The following MAPK10 variants were observed in gnomAD, a reference collection of about 807,000 sequenced individuals.
The protein encoded by MAPK10 is mitogen-activated protein kinase 10.
In MAPK10, 25 loss-of-function variants were observed where a neutral mutation model predicts 59.3. That is an observed-to-expected ratio of 0.42 (90% confidence interval 0.31 to 0.59). The LOEUF is 0.59. Ranked by LOEUF, MAPK10 falls within the 20% of genes least tolerant of loss-of-function variation. MAPK10 has a pLI of 0.15. For missense variants in MAPK10, 351 were observed against 568.9 expected (o/e 0.62, Z 3.90); for synonymous variants, 190 against 200.5 (o/e 0.95, Z 0.44).
chr4:86,308,177 C>A (rs2095604380), intron 2 of MAPK10, among the ~76,000 whole-genome samples: 1 of 152,052 alleles, frequency 6.6e-6, no homozygotes, highest in African/African-American at 2.4e-5. Context: ...CATTAAATTT[C>A]AGAATAGAGG....
chr4:86,311,100 G>A (rs1564246112), intron 2 of MAPK10, among the ~76,000 whole-genome samples: 1 of 149,774 alleles, frequency 6.7e-6, no homozygotes, highest in Non-Finnish European at 1.5e-5. Flanking sequence ...AACCATGTGG[G>A]CTGTGCATAT....
intron 4 of MAPK10, among the ~76,000 whole-genome samples, chr4:86,111,668 G>T (rs1458366382): frequency 3.3e-5 from 5 of 152,220 alleles, no homozygotes; most frequent in African/African-American, 9.6e-5. Flanking sequence ...TGCTAATCAG[G>T]GATATTGGCC....
intron 1 of MAPK10, among the ~76,000 whole-genome samples, chr4:86,524,958 C>T (rs1235977973): frequency 6.6e-6 from 1 of 151,360 alleles, no homozygotes; most frequent in African/African-American, 2.4e-5. Flanking sequence ...TTTATAGTCT[C>T]TATTCTTCAG....
At chr4:86,206,108 A>G (rs1191617649) in intron 2 of MAPK10, among the ~76,000 whole-genome samples, 1 of 151,862 alleles carries the variant, frequency 6.6e-6, no homozygotes, top group East Asian at 1.9e-4. Context: ...GGTTAGTTAC[A>G]TATGTATACA....
chr4:86,187,822 G>A (rs1015664033), intron 3 of MAPK10, among the ~76,000 whole-genome samples: 3 of 152,044 alleles, frequency 2.0e-5, no homozygotes, highest in Non-Finnish European at 4.4e-5. Context: ...AGAACATGAA[G>A]GTTTGTTACA....
intron 2 of MAPK10, among the ~76,000 whole-genome samples, chr4:86,256,847 T>C (rs2093752328): frequency 6.6e-6 from 1 of 150,592 alleles, no homozygotes; most frequent in Admixed American, 6.6e-5. Context: ...TTCACGCCAT[T>C]CTCCTGCTTC....
At chr4:86,391,094 C>T (rs950363408) in intron 1 of MAPK10, among the ~76,000 whole-genome samples, 16 of 152,180 alleles carry the variant, frequency 1.1e-4, no homozygotes, top group Admixed American at 7.9e-4. Context: ...ATGAAAGCTA[C>T]ACAAAAATCA....
chr4:86,552,502 AAAGGAAGGAAGGAAGGAAGGAAGG>A (rs771664348), intron 1 of MAPK10, among the ~76,000 whole-genome samples: 5 of 32,962 alleles, frequency 1.5e-4, no homozygotes, highest in African/African-American at 2.9e-4. Flanking sequence ...GGAGGGAAGG[AAAGGAAGGAAGGAAGGAAGGAAGG>A]AAGGAAGGAA....
intron 2 of MAPK10, among the ~76,000 whole-genome samples, chr4:86,245,598 C>T (rs148433606): frequency 2.2e-4 from 34 of 152,232 alleles, no homozygotes; most frequent in Non-Finnish European, 3.7e-4. Context: ...CCCCACAAAG[C>T]GGTGGGATTT....
intron 1 of MAPK10, among the ~76,000 whole-genome samples, chr4:86,371,462 T>G (rs1210229574): frequency 6.6e-6 from 1 of 152,164 alleles, no homozygotes; most frequent in Non-Finnish European, 1.5e-5. Context: ...TAGAGAGAGT[T>G]TAAGTCATTT....
chr4:86,147,832 C>T lies in MAPK10; in HGVS notation c.236+11466G>A, dbSNP rs958750985. On this transcript the variant is annotated intron_variant, in intron 4 of 13. Transcript: ENST00000641462. ...AGGCATAATTTAAGAGAAAGTTAGA[C>T]TTATTCTAATAATTGAATTGATGTT... 2.0e-5 allele frequency among the ~76,000 whole-genome samples: 3 copies of T among 152,170 alleles called. No individual in the cohort carries two copies. In the South Asian group the frequency reaches 6.2e-4, roughly 32 times the overall value.
chr4:86,509,398 C>T (rs1428306939), intron 1 of MAPK10, among the ~76,000 whole-genome samples: 1 of 150,590 alleles, frequency 6.6e-6, no homozygotes, highest in Non-Finnish European at 1.5e-5. Flanking sequence ...CGCAATAATA[C>T]AAGGTATCTC....
Position 86,388,354 on chromosome 4 carries a change from TGAG to T in MAPK10, c.-121-33713_-121-33711del, listed in dbSNP as rs547557273. 4.3e-4 allele frequency among the ~76,000 whole-genome samples: 66 copies of T among 152,326 alleles called. No homozygotes were observed. In the South Asian group the frequency reaches 0.013, roughly 29 times the overall value. On this transcript the variant is annotated intron_variant, in intron 1 of 13. Transcript: ENST00000361569. Reference sequence around the variant, plus strand: ...TTGTGACTAAGGATATAAAAATGTTTGAGTAGTAACTTATTTCATATAACTCTA... The same window carrying T: ...TTGTGACTAAGGATATAAAAATGTTTTAGTAACTTATTTCATATAACTCTA...
At chr4:86,410,029 G>T (rs1429597804) in intron 1 of MAPK10, among the ~76,000 whole-genome samples, 2 of 152,120 alleles carry the variant, frequency 1.3e-5, no homozygotes, top group African/African-American at 4.8e-5. Flanking sequence ...TATGGTATTG[G>T]CTGTGGGTTT....
At chr4:86,127,581 T>C (rs1488214351) in intron 4 of MAPK10, 1 of 152,040 alleles carries the variant, frequency 6.6e-6, no homozygotes, top group African/African-American at 2.4e-5. Flanking sequence ...CTCCTAAAAT[T>C]TGGATTTCAG....
intron 2 of MAPK10, among the ~76,000 whole-genome samples, chr4:86,350,494 G>A (rs866184150): frequency 3.9e-5 from 6 of 152,080 alleles, no homozygotes; most frequent in South Asian, 2.1e-4. Context: ...GATTACAGGC[G>A]TGAGCCACCA....
intron 2 of MAPK10, among the ~76,000 whole-genome samples, chr4:86,286,799 C>T (rs570199534): frequency 6.6e-6 from 1 of 152,278 alleles, no homozygotes; most frequent in South Asian, 2.1e-4. Flanking sequence ...TCCATCTCCC[C>T]ACCTAATAGT....
At chr4:86,158,603 T>C (rs923786470) in intron 4 of MAPK10, among the ~76,000 whole-genome samples, 1 of 151,922 alleles carries the variant, frequency 6.6e-6, no homozygotes, top group Admixed American at 6.6e-5. Context: ...ATGATTATAC[T>C]AATAAGTTTA....
intron 2 of MAPK10, among the ~76,000 whole-genome samples, chr4:86,213,124 G>T (rs768022305): frequency 6.6e-6 from 1 of 151,806 alleles, no homozygotes; most frequent in Non-Finnish European, 1.5e-5. Flanking sequence ...AAGTCATAAG[G>T]GAAAATATAA....
Sources: allele counts gnomAD v4.1 joint callset (sites outside exome capture counted in the v4.1 genomes callset), GRCh38; gene constraint gnomAD v4.1.1; transcripts MANE v1.5; gene names NCBI Gene and HGNC (gene_info 2026-07-23, HGNC 2026-07-21).